COL5A1: variants seen among roughly 807,000 people sequenced by gnomAD.
The protein encoded by COL5A1 is collagen alpha-1(V) chain.
In COL5A1, 16 loss-of-function variants were observed where a neutral mutation model predicts 263.7. The observed-to-expected ratio is 0.06, with a 90% CI of 0.04 to 0.09. COL5A1 has a LOEUF of 0.09. Ranked by LOEUF, COL5A1 falls within the 10% of genes least tolerant of loss-of-function variation. The pLI is 1.00. For synonymous variants in COL5A1, 1,012 were observed against 1,004.5 expected (o/e 1.01, Z -0.14); for missense variants, 2,036 against 2,540.5 (o/e 0.80, Z 4.27).
chr9:134,802,820 A>G, intron 38 of COL5A1, 68 bp from the exon 39 acceptor site: 1 of 1,184,606 alleles, frequency 8.4e-7, no homozygotes, highest in East Asian at 2.4e-5. Context: ...CCTTAGATTT[A>G]GGAAGAGATT....
chr9:134,718,658 G>A (rs994617312), intron 4 of COL5A1, among the ~76,000 whole-genome samples: 5 of 152,206 alleles, frequency 3.3e-5, no homozygotes, highest in African/African-American at 7.2e-5. Flanking sequence ...GCCCACGGCC[G>A]TTCTGTGTGC....
rs568234072 is a variant in COL5A1, at chr9:134,796,674, C to T, written c.2845-174C>T. Reference sequence around the variant, plus strand: ...ACAGGAAATGGGTCCTGGGCCCCATCCTGCCCCCGAGGGTGAGGCAGGGTG... The same window carrying T: ...ACAGGAAATGGGTCCTGGGCCCCATTCTGCCCCCGAGGGTGAGGCAGGGTG... On this transcript the variant is annotated intron_variant, in intron 35 of 65. Transcript: ENST00000371817. 2.0e-5 allele frequency among the ~76,000 whole-genome samples: 3 copies of T among 152,250 alleles called. No homozygotes were observed. The East Asian group carries it at 5.8e-4, about 29-fold the overall frequency.
chr9:134,654,448 G>C (rs1831842417), intron 1 of COL5A1, among the ~76,000 whole-genome samples: 1 of 125,328 alleles, frequency 8.0e-6, no homozygotes, highest in Non-Finnish European at 1.7e-5. Flanking sequence ...GGTGTGTAGG[G>C]CTGGTGTGTG....
intron 62 of COL5A1, among the ~76,000 whole-genome samples, chr9:134,825,140 G>C (rs998275754): frequency 6.6e-6 from 1 of 152,162 alleles, no homozygotes; most frequent in Non-Finnish European, 1.5e-5. Flanking sequence ...CTTGAACCTC[G>C]TGTTCCTGAC....
rs146759479 is a variant in COL5A1, at chr9:134,689,570, G to C, written c.110-1342G>C. ...CAGGCAAGCACTCTCCACCTGCTCA[G>C]GAGACAGTTGCCAGCAGCTCCAGGT... On this transcript the variant is annotated intron_variant, in intron 1 of 65. Transcript: ENST00000371817. 1.4e-3 allele frequency among the ~76,000 whole-genome samples: 216 copies of C among 152,344 alleles called. 1 individual carries two copies. Among genetic ancestry groups the C allele is most frequent in the African/African-American group, 5.1e-3 (213 of 41,574 alleles).
At chr9:134,745,625 C>A (rs751853051) in intron 11 of COL5A1, among the ~76,000 whole-genome samples, 1 of 152,170 alleles carries the variant, frequency 6.6e-6, no homozygotes, top group Non-Finnish European at 1.5e-5. Flanking sequence ...CCTAGGGCTC[C>A]TGGAAGAGTG....
intron 42 of COL5A1, 78 bp downstream of exon 42, chr9:134,806,374 CCT>C (rs1319019482): frequency 1.0e-6 from 1 of 999,694 alleles, no homozygotes; most frequent in East Asian, 2.6e-5. Context: ...TGTCCCTCCC[CCT>C]GTGATGTCCC....
Position 134,642,187 on chromosome 9 carries a change from C to T in COL5A1, c.-1C>T, listed in dbSNP as rs2132454719. On this transcript the variant is annotated 5_prime_UTR_variant, in exon 1 of 66. Transcript: ENST00000371817. This position sits in a 1 kb window ranked among gnomAD's most constrained non-coding sequence, Gnocchi z 4.5. ...TGCGCCCCGGCCCGCGCCCCGCCGG[C>T]ATGGACGTCCATACCCGCTGGAAAG... 7.9e-7 allele frequency: 1 copy of T among 1,272,640 alleles called. No individual in the cohort carries two copies. Among genetic ancestry groups the T allele is most frequent in the Non-Finnish European group, 9.9e-7 (1 of 1,011,730 alleles). The allele number at this position is 1,272,640 out of a possible 1,614,324, so 78.8% of individuals were successfully genotyped here.
At chr9:134,733,689 G>A (rs1040231065) in intron 9 of COL5A1, among the ~76,000 whole-genome samples, 8 of 152,220 alleles carry the variant, frequency 5.3e-5, no homozygotes, top group African/African-American at 1.7e-4. Flanking sequence ...ACTGCCGTCC[G>A]CCTGGGCGGA....
rs139667702 is a variant in COL5A1, at chr9:134,742,137, T to C, written c.1494+3329T>C. 1.9e-3 allele frequency among the ~76,000 whole-genome samples: 291 copies of C among 152,278 alleles called. 1 individual carries two copies. Among genetic ancestry groups the C allele is most frequent in the African/African-American group, 6.7e-3 (280 of 41,568 alleles). On this transcript the variant is annotated intron_variant, in intron 11 of 65. Transcript: ENST00000371817. The surrounding 1 kb of genome is among the most constrained non-coding windows in gnomAD (Gnocchi z 4.6). ...CCTGGGTGTTGCTTCCTTCACACAC[T>C]CTGGTGAGCCCTGCACACTCTCCCG...
intron 18 of COL5A1, among the ~76,000 whole-genome samples, chr9:134,759,761 C>A (rs111207692): frequency 2.5e-4 from 24 of 97,482 alleles, no homozygotes; most frequent in African/African-American, 9.0e-4. Context: ...GCACACACAC[C>A]CACGCACCCC....
chr9:134,769,858 G>A (rs1223992013), intron 25 of COL5A1, among the ~76,000 whole-genome samples: 3 of 152,120 alleles, frequency 2.0e-5, no homozygotes, highest in Non-Finnish European at 2.9e-5. Context: ...GTGTGAAGGG[G>A]GCTGCACCCC....
At chr9:134,730,603 C>T in intron 7 of COL5A1, 128 bp downstream of exon 7, 1 of 1,334,558 alleles carries the variant, frequency 7.5e-7, no homozygotes, top group South Asian at 1.2e-5. Context: ...CCCTGTGTTC[C>T]ACCACACCCT....
intron 4 of COL5A1, among the ~76,000 whole-genome samples, chr9:134,720,382 A>G (rs1339444310): frequency 6.6e-6 from 1 of 152,202 alleles, no homozygotes; most frequent in Non-Finnish European, 1.5e-5. Flanking sequence ...AGGCTCCACC[A>G]GGAGAGGAGG....
At chr9:134,785,695 C>T (rs770266860) in intron 30 of COL5A1, among the ~76,000 whole-genome samples, 4 of 152,246 alleles carry the variant, frequency 2.6e-5, no homozygotes, top group African/African-American at 4.8e-5. Flanking sequence ...AGGATGAACA[C>T]GCTGAGTTGA....
chr9:134,651,023 G>A (rs1399369595), intron 1 of COL5A1, among the ~76,000 whole-genome samples: 1 of 152,240 alleles, frequency 6.6e-6, no homozygotes, highest in Non-Finnish European at 1.5e-5. Flanking sequence ...CATTCTCAAG[G>A]CCAGGTGAGG....
intron 1 of COL5A1, among the ~76,000 whole-genome samples, chr9:134,643,100 G>A (rs1307714663): frequency 2.0e-5 from 3 of 152,322 alleles, no homozygotes; most frequent in Admixed American, 6.5e-5. Context: ...CTTGCTTCCC[G>A]GGGAGGGCGC....
At chr9:134,783,003 G>A (rs1837319038) in intron 29 of COL5A1, among the ~76,000 whole-genome samples, 1 of 152,222 alleles carries the variant, frequency 6.6e-6, no homozygotes, top group African/African-American at 2.4e-5. Flanking sequence ...CAGTGGGGCT[G>A]GGTTCACTTC....
At chr9:134,664,136 T>C (rs1016133530) in intron 1 of COL5A1, among the ~76,000 whole-genome samples, 1 of 152,212 alleles carries the variant, frequency 6.6e-6, no homozygotes, top group Non-Finnish European at 1.5e-5. Context: ...GGATTCATCA[T>C]TGAACTGGGC....
Sources: gnomAD v4.1 joint callset for allele counts (sites outside exome capture counted in the v4.1 genomes callset) on GRCh38, gnomAD v4.1.1 for gene constraint, Gnocchi (gnomAD v3.1) non-coding constraint, MANE v1.5 for transcripts, NCBI Gene and HGNC (gene_info 2026-07-23, HGNC 2026-07-21) for gene names.